ADAMTS2: variants seen among roughly 807,000 people sequenced by gnomAD.
ADAMTS2 encodes the protein A disintegrin and metalloproteinase with thrombospondin motifs 2.
ADAMTS2 carries 50 observed loss-of-function variants against 123.0 expected under a neutral mutation model. That is an observed-to-expected ratio of 0.41 (90% CI 0.32 to 0.51). The LOEUF is 0.51. Ranked by LOEUF, ADAMTS2 falls within the 20% of genes least tolerant of loss-of-function variation. ADAMTS2 has a pLI of 0.35. For synonymous variants in ADAMTS2, 678 were observed against 695.4 expected, an observed-to-expected ratio of 0.98 and a Z score of 0.39; for missense variants, 1,494 against 1,705.2, an observed-to-expected ratio of 0.88 and a Z score of 2.18.
At chr5:179,144,776 C>G (rs1763226049) in intron 10 of ADAMTS2, among the ~76,000 whole-genome samples, 1 of 152,200 alleles carries the variant, frequency 6.6e-6, no homozygotes, top group Admixed American at 6.5e-5. Context: ...AATGTAAGAG[C>G]TGAAACTCTG....
chr5:179,300,860 CGTTATG>C (rs1756496134), intron 2 of ADAMTS2, among the ~76,000 whole-genome samples: 1 of 152,200 alleles, frequency 6.6e-6, no homozygotes, highest in South Asian at 2.1e-4. Flanking sequence ...ACAGATAAAC[CGTTATG>C]GCTCTGGCTC....
At chr5:179,217,792 GCA>G (rs1561811172) in intron 3 of ADAMTS2, among the ~76,000 whole-genome samples, 2 of 92,434 alleles carry the variant, frequency 2.2e-5, no homozygotes, top group East Asian at 3.8e-4. Context: ...AGGGGATGGC[GCA>G]AGGGGGGGAT....
chr5:179,344,658 G>A (rs1197078389), intron 1 of ADAMTS2, among the ~76,000 whole-genome samples: 4 of 152,188 alleles, frequency 2.6e-5, no homozygotes, highest in South Asian at 2.1e-4. Context: ...CCCCGAGCAC[G>A]AGCGGCCTGT....
At chr5:179,249,615 T>C (rs879602190) in intron 3 of ADAMTS2, among the ~76,000 whole-genome samples, 1 of 152,140 alleles carries the variant, frequency 6.6e-6, no homozygotes, top group Non-Finnish European at 1.5e-5. Flanking sequence ...GAGAATATTA[T>C]GTACAATTGT....
chr5:179,271,190 C>T (rs1461399006), intron 3 of ADAMTS2, among the ~76,000 whole-genome samples: 1 of 152,220 alleles, frequency 6.6e-6, no homozygotes, highest in Non-Finnish European at 1.5e-5. Flanking sequence ...AGATGCCAAA[C>T]ACCAGCAGAA....
intron 2 of ADAMTS2, among the ~76,000 whole-genome samples, chr5:179,311,531 C>G (rs1274181822): frequency 6.6e-6 from 1 of 152,214 alleles, no homozygotes; most frequent in Non-Finnish European, 1.5e-5. Flanking sequence ...TTCTCCTTCG[C>G]CCACTTCCTT....
At chr5:179,179,989 C>G (rs931973688) in intron 5 of ADAMTS2, among the ~76,000 whole-genome samples, 1 of 152,128 alleles carries the variant, frequency 6.6e-6, no homozygotes, top group African/African-American at 2.4e-5. Context: ...GGGTAAGAAG[C>G]CTGACTCCTC....
intron 5 of ADAMTS2, among the ~76,000 whole-genome samples, chr5:179,164,527 T>C (rs955347201): frequency 2.0e-5 from 3 of 151,948 alleles, no homozygotes; most frequent in Admixed American, 6.6e-5. Flanking sequence ...TGGGGATTGG[T>C]AGCAAGGCAG....
chr5:179,334,894 A>G, intron 2 of ADAMTS2, among the ~76,000 whole-genome samples: 1 of 152,368 alleles, frequency 6.6e-6, no homozygotes, highest in Middle Eastern at 3.4e-3. Flanking sequence ...AAATATGTAT[A>G]TATAATACTT....
At chr5:179,190,144 C>G (rs937689047) in intron 4 of ADAMTS2, among the ~76,000 whole-genome samples, 5 of 152,128 alleles carry the variant, frequency 3.3e-5, no homozygotes, top group Non-Finnish European at 7.3e-5. Context: ...GCTCAGAGGC[C>G]TGACATTCCT....
At chr5:179,165,137 T>A (rs2113279572) in intron 5 of ADAMTS2, among the ~76,000 whole-genome samples, 1 of 152,196 alleles carries the variant, frequency 6.6e-6, no homozygotes, top group Non-Finnish European at 1.5e-5. Flanking sequence ...CCCCTGTGGG[T>A]CACTTGGGCT....
At chr5:179,210,004 G>A (rs1361511247) in intron 3 of ADAMTS2, among the ~76,000 whole-genome samples, 1 of 152,224 alleles carries the variant, frequency 6.6e-6, no homozygotes, top group East Asian at 1.9e-4. Context: ...ACTCGTTGAG[G>A]TCACGTGGTG....
intron 5 of ADAMTS2, among the ~76,000 whole-genome samples, chr5:179,165,527 G>A (rs1444613701): frequency 1.3e-5 from 2 of 152,122 alleles, no homozygotes; most frequent in African/African-American, 2.4e-5. Context: ...CTGAGGGGGG[G>A]ACCAGGAGTG....
chr5:179,296,371 G>A (rs1288262086), intron 2 of ADAMTS2, among the ~76,000 whole-genome samples: 3 of 152,168 alleles, frequency 2.0e-5, no homozygotes, highest in Non-Finnish European at 2.9e-5. Flanking sequence ...AGGTGGGTGA[G>A]CAGGGAGCGG....
intron 3 of ADAMTS2, among the ~76,000 whole-genome samples, chr5:179,250,624 G>A (rs1581220252): frequency 6.6e-6 from 1 of 152,192 alleles, no homozygotes; most frequent in Admixed American, 6.5e-5. Flanking sequence ...GCCCAGCCCA[G>A]GCCCCAGGCA....
chr5:179,312,694 C>T lies in ADAMTS2; in HGVS notation c.534+31073G>A, dbSNP rs1010340820. On this transcript the variant is annotated intron_variant, in intron 2 of 21. Coordinates refer to ENST00000251582, the MANE Select transcript of ADAMTS2 (RefSeq NM_014244.5). This position sits in a 1 kb window ranked among gnomAD's most constrained non-coding sequence, Gnocchi z 4.2. ...CAGAGCAGAGGGAGATGGAGGATGT[C>T]GGCCCTGAAGCCCAGAGCGAAGAGG... Among the ~76,000 whole-genome samples the T allele has an allele frequency of 5.9e-5, 9 of 152,156 alleles. No homozygotes were observed. Among genetic ancestry groups the T allele is most frequent in the Non-Finnish European group, 1.2e-4 (8 of 68,022 alleles).
Position 179,261,916 on chromosome 5 carries a change from C to T in ADAMTS2, c.688+10995G>A, listed in dbSNP as rs535494322. On this transcript the variant is annotated intron_variant, in intron 3 of 21. Coordinates refer to ENST00000251582, the MANE Select transcript of ADAMTS2 (RefSeq NM_014244.5). ...AAACCTCACACTGTCCCTGACAGCC[C>T]GCCCCACAGAGCACAGCCTCTGCCT... is the stretch of plus-strand genomic sequence containing the variant. Among the ~76,000 whole-genome samples, 123 of 152,336 alleles carry T rather than the reference C, an allele frequency of 8.1e-4. 1 individual carries two copies. Among genetic ancestry groups the T allele is most frequent in the Middle Eastern group, 6.8e-3 (2 of 294 alleles).
chr5:179,242,265 CCTG>C lies in ADAMTS2; in HGVS notation c.688+30643_688+30645del, dbSNP rs1333039755. ...GGCAGCCTCGTGTGGGCCAGCGGTG[CCTG>C]CTGTCTTGCTCGCGTGTGCCAGCAA... On this transcript the variant is annotated intron_variant, in intron 3 of 21. Transcript: ENST00000251582. The surrounding 1 kb of genome is among the most constrained non-coding windows in gnomAD (Gnocchi z 4.2). Among the ~76,000 whole-genome samples the C allele has an allele frequency of 6.6e-6, 1 of 152,180 alleles. No homozygotes were observed. The highest frequency in any genetic ancestry group is 1.5e-5 in the Non-Finnish European group (1 of 68,038).
chr5:179,201,030 T>A (rs977639252), intron 4 of ADAMTS2, among the ~76,000 whole-genome samples: 25 of 152,314 alleles, frequency 1.6e-4, no homozygotes, highest in Middle Eastern at 6.8e-3. Context: ...CTCATTAACA[T>A]CAAGGAAATA....
Sources: allele counts gnomAD v4.1 joint callset (sites outside exome capture counted in the v4.1 genomes callset), GRCh38; gene constraint gnomAD v4.1.1; non-coding constraint Gnocchi (gnomAD v3.1); transcripts MANE v1.5; gene names NCBI Gene and HGNC (gene_info 2026-07-23, HGNC 2026-07-21).